Variants in DERA observed in about 807,000 individuals in gnomAD.
The protein encoded by DERA is 2-deoxy-D-ribose 5-phosphate aldolase.
In DERA, 15 loss-of-function variants were observed where a neutral mutation model predicts 41.1. The observed-to-expected ratio is 0.37, with a 90% CI of 0.24 to 0.56. The LOEUF (loss-of-function observed/expected upper bound fraction) is 0.56, where lower values mean the gene tolerates loss of function less well. Among genes scored for constraint, DERA ranks in the 20% least tolerant of loss-of-function variants. The pLI is 0.81. For synonymous variants in DERA, 139 were observed against 137.4 expected (o/e 1.01, Z -0.08); for missense variants, 396 against 403.4 (o/e 0.98, Z 0.16).
intron 6 of DERA, among the ~76,000 whole-genome samples, chr12:15,987,957 A>G (rs984067262): frequency 1.3e-5 from 2 of 152,178 alleles, no homozygotes; most frequent in East Asian, 3.9e-4. Context: ...AGCCAGGCAC[A>G]TCAGCTGCGG....
rs1292730079 is a variant in DERA, at chr12:15,921,161, A to G, written c.31+9747A>G. Reference sequence around the variant, plus strand: ...TTATTTGATTGAGATAAGTGAAGAAATGTGTTAAAGTGAATGTGAAGGCAT... The same window carrying G: ...TTATTTGATTGAGATAAGTGAAGAAGTGTGTTAAAGTGAATGTGAAGGCAT... On this transcript the variant is annotated intron_variant, in intron 1 of 8. Transcript: ENST00000428559. The surrounding 1 kb of genome is among the most constrained non-coding windows in gnomAD (Gnocchi z 5.3). 6.6e-6 allele frequency among the ~76,000 whole-genome samples: 1 copy of G among 152,236 alleles called. No homozygotes were observed. The highest frequency in any genetic ancestry group is 1.5e-5 in the Non-Finnish European group (1 of 68,048).
chr12:16,000,852 G>GT lies in DERA; in HGVS notation c.637+18425dup, dbSNP rs146862908. Among the ~76,000 whole-genome samples the GT allele has an allele frequency of 2.0e-3, 305 of 151,700 alleles. 2 individuals are homozygous for GT. The highest frequency in any genetic ancestry group is 6.7e-3 in the African/African-American group (279 of 41,344). On this transcript the variant is annotated intron_variant, in intron 6 of 8. Coordinates refer to ENST00000428559, the MANE Select transcript of DERA (RefSeq NM_015954.4). The surrounding 1 kb of genome is among the most constrained non-coding windows in gnomAD (Gnocchi z 4.8). ...TATAGTTGCATCCATCAGATGTTGA[G>GT]TTTTTTTTTACTAGGATTGTAGAGT...
Position 15,996,240 on chromosome 12 carries a change from A to G in DERA, c.637+13804A>G, listed in dbSNP as rs1252687312. Among the ~76,000 whole-genome samples, 8 of 152,082 alleles carry G rather than the reference A, an allele frequency of 5.3e-5. No individual in the cohort carries two copies. The highest frequency in any genetic ancestry group is 1.3e-4 in the Admixed American group (2 of 15,292). ...CAGTATACACAGGGCCCCAAAATAT[A>G]GAAAACATGGGAAAAGAGGAGTGTA... On this transcript the variant is annotated intron_variant, in intron 6 of 8. Coordinates refer to ENST00000428559, the MANE Select transcript of DERA (RefSeq NM_015954.4). The surrounding 1 kb of genome is among the most constrained non-coding windows in gnomAD (Gnocchi z 4.7).
intron 6 of DERA, among the ~76,000 whole-genome samples, chr12:16,007,732 T>C (rs1359897484): frequency 6.6e-6 from 1 of 152,222 alleles, no homozygotes; most frequent in African/African-American, 2.4e-5. Flanking sequence ...AGGCCCAGTG[T>C]CTTCTTCAGT....
intron 1 of DERA, among the ~76,000 whole-genome samples, chr12:15,946,802 T>C (rs1948453301): frequency 6.6e-6 from 1 of 152,218 alleles, no homozygotes; most frequent in Admixed American, 6.5e-5. Flanking sequence ...TCTCTAGTTC[T>C]TTTAATTGTG....
chr12:15,977,752 C>G (rs1270995636), intron 5 of DERA, among the ~76,000 whole-genome samples: 1 of 152,220 alleles, frequency 6.6e-6, no homozygotes, highest in African/African-American at 2.4e-5. Flanking sequence ...GCCACTGCAC[C>G]CAGCCTACAT....
chr12:15,978,358 C>G (rs78670848), intron 5 of DERA, among the ~76,000 whole-genome samples: 3 of 152,056 alleles, frequency 2.0e-5, no homozygotes, highest in Non-Finnish European at 4.4e-5. Context: ...ACAGTGCTTG[C>G]TATTTTTTGT....
intron 4 of DERA, among the ~76,000 whole-genome samples, chr12:15,960,761 G>A (rs1023069284): frequency 6.6e-6 from 1 of 152,070 alleles, no homozygotes; most frequent in Non-Finnish European, 1.5e-5. Flanking sequence ...CATCGTCGTG[G>A]AGATAATTGC....
chr12:15,971,308 G>A (rs139485639), intron 5 of DERA, among the ~76,000 whole-genome samples: 7 of 152,146 alleles, frequency 4.6e-5, no homozygotes, highest in East Asian at 1.9e-4. Flanking sequence ...GATAGCCAGC[G>A]TTACCAAATC....
At position 15,982,470 on chromosome 12, in the gene DERA, T is replaced by G. The variant is rs1185963006; in HGVS notation, c.637+34T>G. The G allele has an allele frequency of 6.4e-7, 1 of 1,566,492 alleles. No homozygotes were observed. Among genetic ancestry groups the G allele is most frequent in the Non-Finnish European group, 8.6e-7 (1 of 1,158,702 alleles). ...TTTATGTTCAAATAATGTTTTCTAT[T>G]GAATTGATGTTTTTAGGAGAAATTA... is the stretch of plus-strand genomic sequence containing the variant. On this transcript the variant is annotated intron_variant, in intron 6 of 8. Transcript: ENST00000428559. This position sits in a 1 kb window ranked among gnomAD's most constrained non-coding sequence, Gnocchi z 4.0.
At chr12:15,978,213 G>A (rs559025144) in intron 5 of DERA, among the ~76,000 whole-genome samples, 2 of 152,292 alleles carry the variant, frequency 1.3e-5, no homozygotes, top group South Asian at 4.1e-4. Context: ...TCATGGTACT[G>A]TCAAAGTCCT....
In DERA at chr12:15,926,693, A is replaced by G. The variant is rs76148401; in HGVS notation, c.31+15279A>G. ...GGAGCTTGCAGTGAGCGGAGATCCC[A>G]CCACTGCACTCCCGCCTGGGGCGAC... On this transcript the variant is annotated intron_variant, in intron 1 of 8. Coordinates refer to ENST00000428559, the MANE Select transcript of DERA (RefSeq NM_015954.4). 2.0e-4 allele frequency among the ~76,000 whole-genome samples: 29 copies of G among 146,132 alleles called. No homozygotes were observed. The South Asian group carries it at 2.3e-3, about 11-fold the overall frequency.
rs1392109251 is a variant in DERA, at chr12:15,996,376, A to G, written c.637+13940A>G. 2.0e-5 allele frequency among the ~76,000 whole-genome samples: 3 copies of G among 152,120 alleles called. No individual in the cohort carries two copies. Among genetic ancestry groups the G allele is most frequent in the Non-Finnish European group, 2.9e-5 (2 of 68,030 alleles). ...AGAAGCCCGCAGTCAGGGTGTCAGC[A>G]GGCTTATGCTCCCTCTGAAACCTGT... On this transcript the variant is annotated intron_variant, in intron 6 of 8. Transcript: ENST00000428559. This position sits in a 1 kb window ranked among gnomAD's most constrained non-coding sequence, Gnocchi z 4.7.
chr12:15,926,273 C>T (rs199884778), intron 1 of DERA, among the ~76,000 whole-genome samples: 9 of 152,090 alleles, frequency 5.9e-5, no homozygotes, highest in East Asian at 5.8e-4. Flanking sequence ...GCAGTCCTCC[C>T]GCTTCAGCCT....
rs1948877794 is a variant in DERA, at chr12:16,001,941, G to T, written c.637+19505G>T. Among the ~76,000 whole-genome samples, 1 of 152,108 alleles carries T rather than the reference G, an allele frequency of 6.6e-6. No homozygotes were observed. The highest frequency in any genetic ancestry group is 1.5e-5 in the Non-Finnish European group (1 of 68,014). Reference sequence around the variant, plus strand: ...TTCTTTGCCTAATCAAGTAAAGTTAGGATAATGATTACCAGGCACTTTGTA... The same window carrying T: ...TTCTTTGCCTAATCAAGTAAAGTTATGATAATGATTACCAGGCACTTTGTA... On this transcript the variant is annotated intron_variant, in intron 6 of 8. Transcript: ENST00000428559. This position sits in a 1 kb window ranked among gnomAD's most constrained non-coding sequence, Gnocchi z 4.1.
rs1948191313 is a variant in DERA at position 15,915,333 on chromosome 12, G to A, written c.31+3919G>A. ...AGAACCTATGAATTAGGGATTTAGG[G>A]AGCTCATTTTTGGCATTCCTGCTAA... On this transcript the variant is annotated intron_variant, in intron 1 of 8. Transcript: ENST00000428559. The surrounding 1 kb of genome is among the most constrained non-coding windows in gnomAD (Gnocchi z 4.8). Among the ~76,000 whole-genome samples the A allele has an allele frequency of 1.3e-5, 2 of 152,172 alleles. No homozygotes were observed. The highest frequency in any genetic ancestry group is 4.1e-4 in the South Asian group (2 of 4,826).
chr12:15,971,992 TG>T, intron 5 of DERA: 1 of 206,264 alleles, frequency 4.8e-6, no homozygotes, highest in Non-Finnish European at 9.8e-6. Context: ...ATAGCACATC[TG>T]GTCTCATAGG....
intron 5 of DERA, among the ~76,000 whole-genome samples, chr12:15,973,230 TC>T (rs1161975524): frequency 2.0e-5 from 3 of 152,206 alleles, no homozygotes; most frequent in African/African-American, 7.2e-5. Context: ...ATGTAATATA[TC>T]CTGGGCTTCT....
At position 15,967,407 on chromosome 12, in the gene DERA, G is replaced by GTGA. The variant is rs1385725418; in HGVS notation, c.508+4461_508+4463dup. ...TTTCTGAAATGGCCTGAGCAAGAGA[G>GTGA]TGAGACCCTGTCTCAAACAAACAAA... On this transcript the variant is annotated intron_variant, in intron 5 of 8. Transcript: ENST00000428559. This position sits in a 1 kb window ranked among gnomAD's most constrained non-coding sequence, Gnocchi z 4.9. Among the ~76,000 whole-genome samples the GTGA allele has an allele frequency of 1.3e-5, 2 of 152,118 alleles. No individual in the cohort carries two copies. Among genetic ancestry groups the GTGA allele is most frequent in the African/African-American group, 4.8e-5 (2 of 41,426 alleles).
Sources: allele counts gnomAD v4.1 joint callset (sites outside exome capture counted in the v4.1 genomes callset), GRCh38; gene constraint gnomAD v4.1.1; non-coding constraint Gnocchi (gnomAD v3.1); transcripts MANE v1.5; gene names NCBI Gene and HGNC (gene_info 2026-07-23, HGNC 2026-07-21).